The following TTC17 variants were observed in gnomAD, a reference collection of about 807,000 sequenced individuals.
The protein encoded by TTC17 is tetratricopeptide repeat protein 17.
In TTC17, 58 loss-of-function variants were observed where a neutral mutation model predicts 143.8. The observed-to-expected ratio is 0.40, with a 90% CI of 0.33 to 0.50. The LOEUF is 0.50. Among genes scored for constraint, TTC17 ranks in the 20% least tolerant of loss-of-function variants. The pLI is 0.49. For synonymous variants in TTC17, 501 were observed against 497.8 expected (o/e 1.01, Z -0.09); for missense variants, 1,273 against 1,392.5 (o/e 0.91, Z 1.37).
intron 16 of TTC17, among the ~76,000 whole-genome samples, chr11:43,429,669 A>G (rs924130792): frequency 6.6e-6 from 1 of 152,164 alleles, no homozygotes; most frequent in African/African-American, 2.4e-5. Flanking sequence ...AACAGTCACC[A>G]TGTGTTTCTG....
intron 15 of TTC17, 91 bp downstream of exon 15, chr11:43,407,668 A>G: frequency 2.4e-6 from 3 of 1,233,974 alleles, no homozygotes; most frequent in Non-Finnish European, 3.4e-6. Context: ...GAAAGCATAA[A>G]AAATGTCATG....
rs747283670 is a variant in TTC17, at chr11:43,389,775, G to T, written c.373G>T (p.Asp125Tyr). Residue 125 changes from aspartate (D) to tyrosine (Y), a missense_variant, in exon 3 of 24, where the codon GAT becomes TAT. Coordinates refer to ENST00000039989, the MANE Select transcript of TTC17 (RefSeq NM_018259.6). ...AGCCAAGGTGCCCTTAGGGGACCTG[G>T]ATCTATATGATGGCACATACATAAC... ...IKAKVPLGDL[D>Y]LYDGTYITLE... The T allele has an allele frequency of 1.2e-6, 2 of 1,613,656 alleles. No homozygotes were observed. The highest frequency in any genetic ancestry group is 1.7e-6 in the Non-Finnish European group (2 of 1,179,942).
chr11:43,472,555 CAT>C, intron 21 of TTC17, among the ~76,000 whole-genome samples: 1 of 152,124 alleles, frequency 6.6e-6, no homozygotes, highest in East Asian at 1.9e-4. Flanking sequence ...AAATATTAAA[CAT>C]AAATCTGCAG....
At chr11:43,372,175 C>G (rs1340438218) in intron 1 of TTC17, among the ~76,000 whole-genome samples, 1 of 152,174 alleles carries the variant, frequency 6.6e-6, no homozygotes, top group Non-Finnish European at 1.5e-5. Flanking sequence ...TAAGTTGATT[C>G]AACTGTTCTG....
At chr11:43,416,191 A>G (rs1185364563) in intron 16 of TTC17, among the ~76,000 whole-genome samples, 1 of 151,998 alleles carries the variant, frequency 6.6e-6, no homozygotes, top group Non-Finnish European at 1.5e-5. Context: ...TTTTAATTCT[A>G]CTGCATCTTC....
At chr11:43,396,441 T>G in intron 5 of TTC17, 1 of 231,264 alleles carries the variant, frequency 4.3e-6, no homozygotes, top group Non-Finnish European at 8.3e-6. Flanking sequence ...GGATTTTTCT[T>G]ATTTCCCTCT....
chr11:43,406,823 G>T (rs112109607), intron 13 of TTC17, among the ~76,000 whole-genome samples: 6 of 152,246 alleles, frequency 3.9e-5, no homozygotes, highest in African/African-American at 1.2e-4. Context: ...ATCAGATATT[G>T]CATGCTGTTG....
intron 22 of TTC17, chr11:43,490,921 C>G (rs1167234085): frequency 6.9e-6 from 1 of 145,860 alleles, no homozygotes; most frequent in Non-Finnish European, 1.5e-5. Flanking sequence ...TTCCAGAAGA[C>G]CGGTTATTGT....
intron 21 of TTC17, among the ~76,000 whole-genome samples, chr11:43,462,919 T>C (rs1050231837): frequency 7.9e-6 from 1 of 127,306 alleles, no homozygotes; most frequent in African/African-American, 3.3e-5. Flanking sequence ...AGTGACAAAA[T>C]TCTTTTTTTT....
chr11:43,380,238 A>G (rs1856914128), intron 2 of TTC17, among the ~76,000 whole-genome samples: 2 of 152,144 alleles, frequency 1.3e-5, no homozygotes. Flanking sequence ...AAAAGCTGGC[A>G]TACCTGTTTT....
At chr11:43,434,168 G>GACACACAC (rs55913890) in intron 16 of TTC17, among the ~76,000 whole-genome samples, 62 of 125,554 alleles carry the variant, frequency 4.9e-4, no homozygotes, top group African/African-American at 1.1e-3. Flanking sequence ...CATGGGCGGG[G>GACACACAC]ACACACACAC....
rs569404805 is a variant in TTC17 at position 43,420,774 on chromosome 11, T to C, written c.2251+5998T>C. ...GGTTTTTAATGTGAATTTTTTGTCC[T>C]GCATGCCAAAAAAAATGTTTTATTT... On this transcript the variant is annotated intron_variant, in intron 16 of 23. Transcript: ENST00000039989. Among the ~76,000 whole-genome samples the C allele has an allele frequency of 1.3e-3, 191 of 152,264 alleles. 1 individual carries two copies. Among genetic ancestry groups the C allele is most frequent in the African/African-American group, 4.3e-3 (177 of 41,554 alleles).
intron 4 of TTC17, 113 bp downstream of exon 4, chr11:43,391,689 A>AATTTT: frequency 7.6e-7 from 1 of 1,321,176 alleles, no homozygotes. Context: ...CAGCTTTGTA[A>AATTTT]TTTTATAGAC....
In TTC17 at chr11:43,404,158, G is replaced by A. The variant is rs1858005283; in HGVS notation, c.1479+14G>A. The A allele has an allele frequency of 6.3e-7, 1 of 1,592,198 alleles. No homozygotes were observed. Among genetic ancestry groups the A allele is most frequent in the African/African-American group, 1.4e-5 (1 of 73,808 alleles). On this transcript the variant is annotated intron_variant, in intron 11 of 23. Transcript: ENST00000039989. ...GATGCATATAGGGTAAGTTAATAGA[G>A]GATGACGAAGCAGTTTTCTCAAACT...
At chr11:43,428,507 T>C (rs1947079781) in intron 16 of TTC17, among the ~76,000 whole-genome samples, 1 of 152,210 alleles carries the variant, frequency 6.6e-6, no homozygotes, top group Non-Finnish European at 1.5e-5. Context: ...TGTCATGGTA[T>C]CTGTGTCTCA....
chr11:43,452,443 G>T (rs1400189374), intron 21 of TTC17, among the ~76,000 whole-genome samples: 1 of 152,180 alleles, frequency 6.6e-6, no homozygotes, highest in Non-Finnish European at 1.5e-5. Context: ...GGAGGTTGCA[G>T]TGAGCCAAGA....
intron 8 of TTC17, 64 bp downstream of exon 8, chr11:43,398,177 AG>A: frequency 6.4e-7 from 1 of 1,568,922 alleles, no homozygotes; most frequent in Non-Finnish European, 8.7e-7. Flanking sequence ...AAATCTGTGT[AG>A]GGGATATCAG....
intron 16 of TTC17, among the ~76,000 whole-genome samples, chr11:43,417,303 A>G (rs921694259): frequency 6.6e-6 from 1 of 152,152 alleles, no homozygotes; most frequent in Non-Finnish European, 1.5e-5. Flanking sequence ...AAAAAAGGAA[A>G]AACCTCTGAA....
chr11:43,368,680 T>C (rs751399649), intron 1 of TTC17, among the ~76,000 whole-genome samples: 9 of 152,310 alleles, frequency 5.9e-5, no homozygotes, highest in Non-Finnish European at 7.4e-5. Flanking sequence ...CAAAGTAATC[T>C]CTTAAAAAGC....
Sources: allele counts gnomAD v4.1 joint callset (sites outside exome capture counted in the v4.1 genomes callset), GRCh38; gene constraint gnomAD v4.1.1; transcripts MANE v1.5; gene names NCBI Gene and HGNC (gene_info 2026-07-23, HGNC 2026-07-21).